The following THSD7A variants were observed in gnomAD, a reference collection of about 807,000 sequenced individuals.
THSD7A encodes thrombospondin type-1 domain-containing protein 7A.
THSD7A carries 96 observed loss-of-function variants against 231.3 expected under a neutral mutation model. That is an observed-to-expected ratio of 0.41 (90% CI 0.35 to 0.49). THSD7A has a LOEUF of 0.49. Among genes scored for constraint, THSD7A ranks in the 20% least tolerant of loss-of-function variants. THSD7A has a pLI of 0.05. For missense variants in THSD7A, 2,290 were observed against 2,070.2 expected, an observed-to-expected ratio of 1.11 and a Z score of -2.06; for synonymous variants, 940 against 743.3, an observed-to-expected ratio of 1.26 and a Z score of -4.30.
chr7:11,772,375 T>C (rs1014059876), intron 1 of THSD7A, among the ~76,000 whole-genome samples: 3 of 152,236 alleles, frequency 2.0e-5, no homozygotes, highest in Admixed American at 6.5e-5. Context: ...TTACTGGGTA[T>C]ATATGCAAAG....
At chr7:11,579,674 T>C (rs920487726) in intron 4 of THSD7A, among the ~76,000 whole-genome samples, 2 of 152,148 alleles carry the variant, frequency 1.3e-5, no homozygotes, top group East Asian at 1.9e-4. Flanking sequence ...TAGCAAAGTA[T>C]TGTGAGTTTC....
At chr7:11,480,042 A>G (rs1434538359) in intron 7 of THSD7A, among the ~76,000 whole-genome samples, 2 of 151,878 alleles carry the variant, frequency 1.3e-5, no homozygotes, top group African/African-American at 2.4e-5. Flanking sequence ...CTATATATAC[A>G]ATTATTACAC....
intron 2 of THSD7A, among the ~76,000 whole-genome samples, chr7:11,618,458 A>G (rs889277305): frequency 6.6e-6 from 1 of 152,148 alleles, no homozygotes; most frequent in Non-Finnish European, 1.5e-5. Context: ...CATAACTTAC[A>G]CTCCATTGGG....
intron 4 of THSD7A, among the ~76,000 whole-genome samples, chr7:11,555,422 T>C (rs1253527157): frequency 5.3e-5 from 8 of 151,994 alleles, no homozygotes; most frequent in African/African-American, 1.9e-4. Context: ...TTTGATTCCA[T>C]TGTGCTCAGA....
At chr7:11,687,452 T>A (rs2128140958) in intron 1 of THSD7A, among the ~76,000 whole-genome samples, 1 of 151,928 alleles carries the variant, frequency 6.6e-6, no homozygotes, top group South Asian at 2.1e-4. Context: ...ACGTGGCTTA[T>A]TGTCACACAC....
Position 11,382,661 on chromosome 7 carries a change from G to A in THSD7A, c.4412-45C>T, listed in dbSNP as rs561558594. On this transcript the variant is annotated intron_variant, in intron 23 of 27. Coordinates refer to ENST00000423059, the MANE Select transcript of THSD7A (RefSeq NM_015204.3). The stretch of plus-strand genomic sequence containing the variant: ...ATTAGCAGAAGCATTCTGTTACCCA[G>A]AAGGACAATCATGGGGATAGAGTAT... The A allele has an allele frequency of 2.6e-4, 363 of 1,416,670 alleles. 4 individuals carry two copies. In the East Asian group the frequency reaches 8.1e-3, roughly 32 times the overall value. 87.8% of individuals were successfully genotyped at this position (1,416,670 alleles called of 1,614,324 possible).
chr7:11,531,493 C>A (rs1788706371), intron 6 of THSD7A, among the ~76,000 whole-genome samples: 1 of 152,176 alleles, frequency 6.6e-6, no homozygotes, highest in Non-Finnish European at 1.5e-5. Flanking sequence ...CTACTCCAAC[C>A]ACACTGGCCA....
chr7:11,482,002 C>A lies in THSD7A; in HGVS notation c.1823-20G>T. On this transcript the variant is annotated intron_variant, in intron 6 of 27. Transcript: ENST00000423059. Reference sequence around the variant, plus strand: ...CTTCTCCTGGGGAAAACATGACCACCAACAGCTATTATTGTTAAATTAATG... The same window carrying A: ...CTTCTCCTGGGGAAAACATGACCACAAACAGCTATTATTGTTAAATTAATG... 1.3e-6 allele frequency: 2 copies of A among 1,573,826 alleles called. No homozygotes were observed. Among genetic ancestry groups the A allele is most frequent in the Non-Finnish European group, 1.7e-6 (2 of 1,156,158 alleles).
intron 23 of THSD7A, among the ~76,000 whole-genome samples, chr7:11,399,536 T>A (rs1783318718): frequency 6.6e-6 from 1 of 152,210 alleles, no homozygotes; most frequent in Non-Finnish European, 1.5e-5. Context: ...CTTAAAAATT[T>A]ATTCAGTTGA....
intron 16 of THSD7A, among the ~76,000 whole-genome samples, chr7:11,418,455 C>T (rs951438510): frequency 6.6e-6 from 1 of 152,120 alleles, no homozygotes; most frequent in Non-Finnish European, 1.5e-5. Flanking sequence ...GGAGAGAAAA[C>T]CTTTATCTCT....
chr7:11,547,593 C>T (rs1262680886), intron 4 of THSD7A, among the ~76,000 whole-genome samples: 1 of 152,124 alleles, frequency 6.6e-6, no homozygotes, highest in East Asian at 1.9e-4. Flanking sequence ...TGACCATATG[C>T]TTGAACATAA....
chr7:11,536,591 G>A (rs537078501), intron 6 of THSD7A, among the ~76,000 whole-genome samples: 71 of 152,268 alleles, frequency 4.7e-4, no homozygotes, highest in Middle Eastern at 6.8e-3. Context: ...ACTGTATGGT[G>A]AATCCTCCTA....
chr7:11,459,635 C>T (rs1785425993), intron 11 of THSD7A, among the ~76,000 whole-genome samples: 1 of 129,530 alleles, frequency 7.7e-6, no homozygotes, highest in South Asian at 2.6e-4. Flanking sequence ...CAGAAGAAGA[C>T]TTCTAAAAGG....
chr7:11,744,508 T>A (rs185642219), intron 1 of THSD7A, among the ~76,000 whole-genome samples: 1 of 151,860 alleles, frequency 6.6e-6, no homozygotes. Flanking sequence ...TTGTTACATA[T>A]GTATACATGT....
intron 4 of THSD7A, among the ~76,000 whole-genome samples, chr7:11,561,599 G>A (rs1790078839): frequency 6.6e-6 from 1 of 152,202 alleles, no homozygotes; most frequent in Non-Finnish European, 1.5e-5. Flanking sequence ...GGCCAGGTGT[G>A]TTGGCTCAGA....
At chr7:11,761,447 T>A (rs764994523) in intron 1 of THSD7A, among the ~76,000 whole-genome samples, 7 of 152,102 alleles carry the variant, frequency 4.6e-5, no homozygotes, top group Non-Finnish European at 1.0e-4. Context: ...ATCATGCATA[T>A]CTTTTTTCAT....
intron 1 of THSD7A, among the ~76,000 whole-genome samples, chr7:11,662,835 C>G (rs761081250): frequency 4.6e-4 from 70 of 151,166 alleles, no homozygotes; most frequent in Non-Finnish European, 6.8e-4. Context: ...AAGAAGGAGT[C>G]ACAACTGATA....
intron 8 of THSD7A, among the ~76,000 whole-genome samples, chr7:11,473,590 A>G (rs1236510656): frequency 6.6e-6 from 1 of 152,072 alleles, no homozygotes; most frequent in Non-Finnish European, 1.5e-5. Context: ...TTTCCCCTCA[A>G]TTTTTTAGAG....
intron 23 of THSD7A, among the ~76,000 whole-genome samples, chr7:11,400,151 C>G (rs567204339): frequency 8.1e-6 from 1 of 124,108 alleles, no homozygotes; most frequent in African/African-American, 3.1e-5. Flanking sequence ...TCACACACTG[C>G]GGCCTGTTAT....
Sources: gnomAD v4.1 joint callset for allele counts (sites outside exome capture counted in the v4.1 genomes callset) on GRCh38, gnomAD v4.1.1 for gene constraint, MANE v1.5 for transcripts, NCBI Gene and HGNC (gene_info 2026-07-23, HGNC 2026-07-21) for gene names.